The following CDH23 variants were observed in gnomAD, a reference collection of about 807,000 sequenced individuals.
CDH23 encodes the protein cadherin-23.
A neutral mutation model predicts 317.1 loss-of-function variants in CDH23; 189 were observed. The observed-to-expected ratio is 0.60, with a 90% CI of 0.53 to 0.67. CDH23 has a LOEUF of 0.67. Ranked by LOEUF, CDH23 falls within the 30% of genes least tolerant of loss-of-function variation. The probability of loss-of-function intolerance (pLI) is 0.00; values close to 1 mark genes in which losing one functional copy is unlikely to be tolerated. For missense variants in CDH23, 4,401 were observed against 4,592.4 expected, an observed-to-expected ratio of 0.96 and a Z score of 1.20; for synonymous variants, 1,839 against 1,876.8, an observed-to-expected ratio of 0.98 and a Z score of 0.52.
rs1589353494 is a variant in CDH23 at position 71,705,065 on chromosome 10, T to C, written c.2888T>C (p.Leu963Pro). ...CGCGAGCGCATCGCGGAGTACCAGC[T>C]GCGGGTGGTGGCCAGTGATGCAGGC... ...LDRERIAEYQ[L>P]RVVASDAGTP... The change falls in exon 25 of 70, where the codon CTG (leucine) becomes CCG (proline). Residue 963 changes from leucine (L) to proline (P), a missense_variant. Transcript: ENST00000224721. 6.2e-7 allele frequency: 1 copy of C among 1,612,446 alleles called. No homozygotes were observed. Among genetic ancestry groups the C allele is most frequent in the Non-Finnish European group, 8.5e-7 (1 of 1,179,756 alleles).
intron 25 of CDH23, among the ~76,000 whole-genome samples, chr10:71,705,880 G>A (rs765898334): frequency 5.3e-5 from 8 of 152,094 alleles, no homozygotes; most frequent in South Asian, 2.1e-4. Flanking sequence ...GGTAGGGGGC[G>A]GGGGAGGGTG....
intron 9 of CDH23, among the ~76,000 whole-genome samples, chr10:71,590,892 A>AAC (rs1564673895): frequency 5.6e-5 from 8 of 142,748 alleles, no homozygotes; most frequent in Non-Finnish European, 1.0e-4. Context: ...AAAAACAAAA[A>AAC]AAAACAAAAA....
At chr10:71,628,505 A>AT (rs1158573745) in intron 11 of CDH23, among the ~76,000 whole-genome samples, 218 of 151,442 alleles carry the variant, frequency 1.4e-3, no homozygotes, top group Middle Eastern at 3.4e-3. Flanking sequence ...GAGTGAGATA[A>AT]TTTTTGTTTT....
chr10:71,404,706 G>A (rs770411348), intron 1 of CDH23, among the ~76,000 whole-genome samples: 15 of 152,234 alleles, frequency 9.9e-5, no homozygotes, highest in Non-Finnish European at 1.6e-4. Context: ...CAGCAGCCCC[G>A]GGCCTGGCCC....
intron 22 of CDH23, among the ~76,000 whole-genome samples, chr10:71,696,002 C>T (rs1419557724): frequency 1.3e-5 from 2 of 152,218 alleles, no homozygotes; most frequent in Non-Finnish European, 2.9e-5. Context: ...TTTTGTTCAC[C>T]TCAGGAATTT....
intron 3 of CDH23, among the ~76,000 whole-genome samples, chr10:71,468,894 C>T (rs540676791): frequency 8.5e-5 from 13 of 152,322 alleles, no homozygotes; most frequent in Admixed American, 7.8e-4. Flanking sequence ...CCTCCTCCTC[C>T]CTCCCAGCCT....
Position 71,785,680 on chromosome 10 carries a change from A to C in CDH23, c.5762A>C (p.Glu1921Ala). 1 of 1,609,084 alleles carries C rather than the reference A, an allele frequency of 6.2e-7. No individual in the cohort carries two copies. The highest frequency in any genetic ancestry group is 8.5e-7 in the Non-Finnish European group (1 of 1,177,890). ...NRPLDRERIP[E>A]YKLTISVKDN... is the part of the protein sequence containing the mutation. Reference sequence around the variant, plus strand: ...CCCCTGGACCGCGAGCGGATCCCAGAGTACAAGCTGACCATTTCTGTGAAG... The same window carrying C: ...CCCCTGGACCGCGAGCGGATCCCAGCGTACAAGCTGACCATTTCTGTGAAG... The change falls in exon 44 of 70, where the codon GAG becomes GCG. Residue 1921 changes from glutamate to alanine, a missense_variant. By Grantham distance (107) the Glu-to-Ala change is moderately radical. Transcript: ENST00000224721.
chr10:71,750,851 C>A, intron 38 of CDH23: 1 of 171,364 alleles, frequency 5.8e-6, no homozygotes, highest in Non-Finnish European at 1.2e-5. Context: ...CCACCGTGCC[C>A]TGTGTCTGGT....
intron 39 of CDH23, 131 bp from the exon 40 acceptor site, chr10:71,778,058 G>A: frequency 1.4e-6 from 2 of 1,458,384 alleles, no homozygotes; most frequent in Non-Finnish European, 1.9e-6. Flanking sequence ...GTGGAGTGGA[G>A]CCTGGGCTAG....
At chr10:71,761,700 T>A in intron 38 of CDH23, 1 of 1,613,876 alleles carries the variant, frequency 6.2e-7, no homozygotes, top group Non-Finnish European at 8.5e-7. Context: ...TCCAGCAGGG[T>A]CAGGTTGCGC....
In CDH23 at chr10:71,649,785, C is replaced by A. The variant is rs553222091; in HGVS notation, c.1449+3168C>A. 2.6e-5 allele frequency among the ~76,000 whole-genome samples: 4 copies of A among 152,294 alleles called. No homozygotes were observed. In the East Asian group the frequency reaches 7.7e-4, roughly 29 times the overall value. On this transcript the variant is annotated intron_variant, in intron 14 of 69. Coordinates refer to ENST00000224721, the MANE Select transcript of CDH23 (RefSeq NM_022124.6). ...AAAAAAATGTTGTATGCAAATGAAC[C>A]CACACAGTTCAAACAGGTGCTGTTC...
intron 3 of CDH23, among the ~76,000 whole-genome samples, chr10:71,497,544 G>C (rs1427916427): frequency 6.6e-6 from 1 of 152,190 alleles, no homozygotes; most frequent in Non-Finnish European, 1.5e-5. Flanking sequence ...CCTGGCTGCT[G>C]GCTCTGCGGT....
chr10:71,788,999 TA>T lies in CDH23; in HGVS notation c.5884del (p.Ser1962AlafsTer7). 1 of 1,603,004 alleles carries T rather than the reference TA, an allele frequency of 6.2e-7. No individual in the cohort carries two copies. The highest frequency in any genetic ancestry group is 8.5e-7 in the Non-Finnish European group (1 of 1,169,956). On this transcript the variant is annotated frameshift_variant, in exon 45 of 70. Transcript: ENST00000224721. LOFTEE classifies it high-confidence loss of function. The part of the protein sequence containing the change: ...DENDNHPLFT[K>X]STYQAEVMEN... ...AGAATGACAACCACCCCCTCTTCAC[TA>T]AAAGCACCTACCAGGCAGAGGTGAT... is the stretch of plus-strand genomic sequence containing the variant.
chr10:71,729,275 C>T (rs1866954662), intron 30 of CDH23, among the ~76,000 whole-genome samples: 1 of 143,874 alleles, frequency 7.0e-6, no homozygotes, highest in East Asian at 1.9e-4. Context: ...GGATGGGGGC[C>T]TCAGAAGCAA....
intron 9 of CDH23, among the ~76,000 whole-genome samples, chr10:71,591,174 G>A (rs548919233): frequency 2.8e-4 from 42 of 152,308 alleles, no homozygotes; most frequent in African/African-American, 9.6e-4. Context: ...AGAGGAGGCC[G>A]AGAGGGCTGA....
chr10:71,707,093 C>T (rs372602946), intron 26 of CDH23, 44 bp downstream of exon 26: 11 of 1,573,374 alleles, frequency 7.0e-6, no homozygotes, highest in Non-Finnish European at 9.5e-6. Flanking sequence ...CTCCTGGGGC[C>T]CTGCCTCCAC....
chr10:71,784,146 TG>T, intron 41 of CDH23, 140 bp from the exon 42 acceptor site: 1 of 762,152 alleles, frequency 1.3e-6, no homozygotes, highest in Non-Finnish European at 2.1e-6. Flanking sequence ...GATCTGAAGC[TG>T]GGGTCACTGG....
chr10:71,688,900 GGA>G (rs1255314643), intron 19 of CDH23, among the ~76,000 whole-genome samples: 2 of 128,018 alleles, frequency 1.6e-5, no homozygotes, highest in African/African-American at 2.8e-5. Context: ...GTGGAGCCAG[GGA>G]TGGTGGAGCC....
chr10:71,699,045 GGGGAGTGGTCGGTAAAT>G (rs1364749621), intron 22 of CDH23, among the ~76,000 whole-genome samples: 7 of 152,202 alleles, frequency 4.6e-5, no homozygotes, highest in Admixed American at 2.6e-4. Flanking sequence ...ACTGGCACAT[GGGGAGTGGTCGGTAAAT>G]GGTAGCTGTC....
Sources: gnomAD v4.1 joint callset for allele counts (sites outside exome capture counted in the v4.1 genomes callset) on GRCh38, gnomAD v4.1.1 for gene constraint, MANE v1.5 for transcripts, NCBI Gene and HGNC (gene_info 2026-07-23, HGNC 2026-07-21) for gene names.